The following NPAS3 variants were observed in gnomAD, a reference collection of about 807,000 sequenced individuals.
The protein encoded by NPAS3 is neuronal PAS domain-containing protein 3.
NPAS3 carries 14 observed loss-of-function variants against 73.1 expected under a neutral mutation model. That is an observed-to-expected ratio of 0.19 (90% CI 0.13 to 0.30). The LOEUF (loss-of-function observed/expected upper bound fraction) is 0.30. Among genes scored for constraint, NPAS3 ranks in the 10% least tolerant of loss-of-function variants. NPAS3 has a pLI of 1.00. For missense variants in NPAS3, 1,096 were observed against 1,250.0 expected (o/e 0.88, Z 1.86); for synonymous variants, 620 against 541.5 (o/e 1.14, Z -2.01).
intron 5 of NPAS3, chr14:33,608,755 G>A (rs541488465): frequency 6.6e-6 from 1 of 152,262 alleles, no homozygotes; most frequent in South Asian, 2.1e-4. Flanking sequence ...ATTATGCCTA[G>A]TATCCGTTAG....
chr14:33,568,331 A>G (rs1326771163), intron 5 of NPAS3, among the ~76,000 whole-genome samples: 2 of 152,294 alleles, frequency 1.3e-5, no homozygotes, highest in Admixed American at 1.3e-4. Context: ...TTGGCAATAT[A>G]ATGTCCCTGG....
chr14:33,775,464 G>A (rs2062783443), intron 8 of NPAS3, among the ~76,000 whole-genome samples: 1 of 152,130 alleles, frequency 6.6e-6, no homozygotes, highest in Non-Finnish European at 1.5e-5. Flanking sequence ...AGTGACTTGG[G>A]GAACTGACCT....
chr14:33,127,732 T>C (rs2043482503), intron 2 of NPAS3, among the ~76,000 whole-genome samples: 1 of 152,130 alleles, frequency 6.6e-6, no homozygotes, highest in Non-Finnish European at 1.5e-5. Flanking sequence ...TTTACTCTTT[T>C]TAGAGGAGAA....
chr14:33,173,484 C>T (rs1443502254), intron 2 of NPAS3, among the ~76,000 whole-genome samples: 1 of 151,974 alleles, frequency 6.6e-6, no homozygotes, highest in African/African-American at 2.4e-5. Context: ...TCAAAGTTCA[C>T]ATGGTATATT....
At chr14:33,547,810 A>C (rs1351659491) in intron 4 of NPAS3, among the ~76,000 whole-genome samples, 3 of 152,186 alleles carry the variant, frequency 2.0e-5, no homozygotes, top group Non-Finnish European at 4.4e-5. Context: ...GGAGGTTGCT[A>C]TTTACTTAGA....
chr14:33,127,500 G>A (rs750482209), intron 2 of NPAS3, among the ~76,000 whole-genome samples: 15 of 152,026 alleles, frequency 9.9e-5, no homozygotes, highest in Non-Finnish European at 1.8e-4. Context: ...GTTAGTTTGG[G>A]CTGTGTCTCT....
chr14:33,542,909 C>T (rs182377538), intron 4 of NPAS3, among the ~76,000 whole-genome samples: 1 of 152,252 alleles, frequency 6.6e-6, no homozygotes, highest in East Asian at 1.9e-4. Flanking sequence ...GGCCTCAGTG[C>T]GTGGGTGTTA....
In NPAS3 at chr14:33,789,583, C is replaced by CTTTTTTTTTTTTTTTTTTTTT. The variant is rs10567527; in HGVS notation, c.1154-4311_1154-4291dup. On this transcript the variant is annotated intron_variant, in intron 9 of 11. Transcript: ENST00000356141. ...ACTAAAAGTAATTACTAGAGTACAA[C>CTTTTTTTTTTTTTTTTTTTTT]TTTTTTTTTTTTTTTTTTTTTTTGA... 8.7e-5 allele frequency among the ~76,000 whole-genome samples: 8 copies of CTTTTTTTTTTTTTTTTTTTTT among 92,410 alleles called. 1 individual carries two copies. Among genetic ancestry groups the CTTTTTTTTTTTTTTTTTTTTT allele is most frequent in the African/African-American group, 2.2e-4 (5 of 23,082 alleles). 60.6% of individuals were successfully genotyped at this position (92,410 alleles called of 152,430 possible).
intron 4 of NPAS3, among the ~76,000 whole-genome samples, chr14:33,495,594 T>G (rs554910433): frequency 6.6e-6 from 1 of 152,088 alleles, no homozygotes; most frequent in Non-Finnish European, 1.5e-5. Context: ...CCCACTATTA[T>G]TGCGTGGGAG....
intron 7 of NPAS3, among the ~76,000 whole-genome samples, chr14:33,744,731 A>C (rs574558844): frequency 6.6e-6 from 1 of 151,804 alleles, no homozygotes; most frequent in South Asian, 2.1e-4. Flanking sequence ...CAGAAGTTGC[A>C]GTGTGCTGAG....
At chr14:33,329,256 G>T (rs752972746) in intron 3 of NPAS3, among the ~76,000 whole-genome samples, 1 of 152,162 alleles carries the variant, frequency 6.6e-6, no homozygotes, top group South Asian at 2.1e-4. Flanking sequence ...CTGCTCCCTG[G>T]CTTTCATGTA....
chr14:33,371,036 T>C (rs1314865666), intron 4 of NPAS3, among the ~76,000 whole-genome samples: 1 of 152,140 alleles, frequency 6.6e-6, no homozygotes, highest in Non-Finnish European at 1.5e-5. Flanking sequence ...TACAGCCCTA[T>C]GGAAATGATG....
intron 7 of NPAS3, among the ~76,000 whole-genome samples, chr14:33,771,770 C>A (rs1181287895): frequency 2.0e-5 from 3 of 151,714 alleles, no homozygotes. Flanking sequence ...GAGATCACGC[C>A]ACTAAACTCC....
chr14:32,966,989 A>G (rs1271484327), intron 1 of NPAS3, among the ~76,000 whole-genome samples: 1 of 152,160 alleles, frequency 6.6e-6, no homozygotes, highest in Non-Finnish European at 1.5e-5. Context: ...TGAAGAGACA[A>G]CCTACAAAAT....
At chr14:33,450,919 C>T (rs1042381162) in intron 4 of NPAS3, among the ~76,000 whole-genome samples, 13 of 152,106 alleles carry the variant, frequency 8.5e-5, no homozygotes, top group Non-Finnish European at 1.6e-4. Flanking sequence ...GACAAATATG[C>T]TTTAATGTCT....
intron 1 of NPAS3, among the ~76,000 whole-genome samples, chr14:32,955,154 A>G (rs960736792): frequency 2.0e-5 from 3 of 152,152 alleles, no homozygotes; most frequent in Admixed American, 1.3e-4. Context: ...CAATTTTAAA[A>G]TTAAGCATTC....
intron 1 of NPAS3, among the ~76,000 whole-genome samples, chr14:32,985,035 A>G (rs903444527): frequency 5.3e-5 from 8 of 152,244 alleles, no homozygotes; most frequent in Non-Finnish European, 7.3e-5. Context: ...TTGAGAGCCA[A>G]ATTATATGTA....
intron 2 of NPAS3, among the ~76,000 whole-genome samples, chr14:33,095,666 T>A (rs145981827): frequency 0.069 from 9,255 of 134,388 alleles, 720 homozygotes; most frequent in Admixed American, 0.1. Context: ...GCTTTTATTT[T>A]TTTATTTTTT....
chr14:33,735,655 G>C (rs913212220), intron 7 of NPAS3, among the ~76,000 whole-genome samples: 1 of 152,026 alleles, frequency 6.6e-6, no homozygotes, highest in African/African-American at 2.4e-5. Flanking sequence ...TCCTCAAGAC[G>C]AGTGCTCTAG....
Sources: allele counts gnomAD v4.1 joint callset (sites outside exome capture counted in the v4.1 genomes callset), GRCh38; gene constraint gnomAD v4.1.1; transcripts MANE v1.5; gene names NCBI Gene and HGNC (gene_info 2026-07-23, HGNC 2026-07-21).